Variants in DLGAP2 observed in about 807,000 individuals in gnomAD.
The protein encoded by DLGAP2 is DLG associated protein 2.
A neutral mutation model predicts 100.3 loss-of-function variants in DLGAP2; 26 were observed. The observed-to-expected ratio is 0.26, with a 90% CI of 0.19 to 0.36. DLGAP2 has a LOEUF of 0.36. Among genes scored for constraint, DLGAP2 ranks in the 10% least tolerant of loss-of-function variants. The pLI, the probability that DLGAP2 is intolerant of heterozygous loss-of-function variation, is 1.00. For synonymous variants in DLGAP2, 886 were observed against 630.1 expected, an observed-to-expected ratio of 1.41 and a Z score of -6.08; for missense variants, 1,858 against 1,453.2, an observed-to-expected ratio of 1.28 and a Z score of -4.53.
At chr8:1,677,411 A>G (rs115907079) in intron 11 of DLGAP2, among the ~76,000 whole-genome samples, 1 of 152,310 alleles carries the variant, frequency 6.6e-6, no homozygotes, top group African/African-American at 2.4e-5. Flanking sequence ...AGCAAAGGGA[A>G]CACGTGGCAA....
intron 2 of DLGAP2, among the ~76,000 whole-genome samples, chr8:1,023,453 C>T (rs529298040): frequency 6.6e-6 from 1 of 152,290 alleles, no homozygotes; most frequent in Non-Finnish European, 1.5e-5. Flanking sequence ...ACCTGAGCCT[C>T]CCCTGTAGCG....
chr8:1,585,540 C>G (rs958647770), intron 6 of DLGAP2, among the ~76,000 whole-genome samples: 3 of 152,192 alleles, frequency 2.0e-5, no homozygotes, highest in African/African-American at 4.8e-5. Flanking sequence ...TTATGGCGAA[C>G]TGCAACTGAA....
intron 2 of DLGAP2, among the ~76,000 whole-genome samples, chr8:972,806 G>T (rs1800049341): frequency 6.6e-6 from 1 of 152,084 alleles, no homozygotes; most frequent in Non-Finnish European, 1.5e-5. Flanking sequence ...TTGAGATTAG[G>T]GAGTGGTGAT....
At chr8:1,550,991 G>T (rs1489242277) in intron 5 of DLGAP2, among the ~76,000 whole-genome samples, 1 of 152,236 alleles carries the variant, frequency 6.6e-6, no homozygotes, top group African/African-American at 2.4e-5. Flanking sequence ...CAACTAATGG[G>T]ACAGGGGGAC....
Position 1,481,471 on chromosome 8 carries a change from C to CTTTTT in DLGAP2, c.107-19875_107-19871dup, listed in dbSNP as rs1165790168. ...GGATTTTCTTTTTCTTTTTCTTTTT[C>CTTTTT]TTTTTTTTTTTTTTTTTTTTTTTTG... On this transcript the variant is annotated intron_variant, in intron 3 of 14. Coordinates refer to ENST00000637795, the MANE Select transcript of DLGAP2 (RefSeq NM_001346810.2). Among the ~76,000 whole-genome samples, 97 of 43,672 alleles carry CTTTTT rather than the reference C, an allele frequency of 2.2e-3. 3 individuals are homozygous for CTTTTT. The highest frequency in any genetic ancestry group is 2.6e-3 in the Non-Finnish European group (58 of 22,058). The allele number at this position is 43,672 out of a possible 152,430, so 28.7% of individuals were successfully genotyped here. A position where few individuals can be genotyped will look rare whatever the true frequency, so the allele number is the denominator to read the frequency against.
intron 3 of DLGAP2, among the ~76,000 whole-genome samples, chr8:1,438,037 G>T (rs371526220): frequency 6.6e-6 from 1 of 152,160 alleles, no homozygotes; most frequent in South Asian, 2.1e-4. Context: ...AGAGGCCTAA[G>T]TTAAAATTTG....
chr8:927,905 A>T (rs1224790631), intron 2 of DLGAP2, among the ~76,000 whole-genome samples: 1 of 152,258 alleles, frequency 6.6e-6, no homozygotes, highest in Non-Finnish European at 1.5e-5. Flanking sequence ...ACAGATGCAC[A>T]AGTTCCCCTG....
chr8:1,508,862 G>C (rs972610471), intron 4 of DLGAP2, among the ~76,000 whole-genome samples: 1 of 151,876 alleles, frequency 6.6e-6, no homozygotes, highest in Non-Finnish European at 1.5e-5. Flanking sequence ...AGGATCTCCA[G>C]AGGGGATCAT....
chr8:764,344 C>T (rs1006435618), intron 1 of DLGAP2, among the ~76,000 whole-genome samples: 3 of 152,202 alleles, frequency 2.0e-5, no homozygotes, highest in East Asian at 1.9e-4. Flanking sequence ...AACCTTTACT[C>T]GGTAATTTTC....
At position 982,356 on chromosome 8, in the gene DLGAP2, G is replaced by A. The variant is rs182160549; in HGVS notation, c.73+74390G>A. On this transcript the variant is annotated intron_variant, in intron 2 of 14. Transcript: ENST00000637795. ...AATTTTTATTTTCAACTAGACTCAAGAGCTGTTGATATTTTTGTGGCTTCT... is the reference window on the plus strand; with the variant it reads ...AATTTTTATTTTCAACTAGACTCAAAAGCTGTTGATATTTTTGTGGCTTCT... Among the ~76,000 whole-genome samples, 742 of 152,298 alleles carry A rather than the reference G, an allele frequency of 4.9e-3. 4 individuals are homozygous for A. Among genetic ancestry groups the A allele is most frequent in the Admixed American group, 0.011 (165 of 15,296 alleles).
intron 3 of DLGAP2, among the ~76,000 whole-genome samples, chr8:1,285,407 T>C (rs1430264405): frequency 6.6e-6 from 1 of 152,192 alleles, no homozygotes; most frequent in Non-Finnish European, 1.5e-5. Flanking sequence ...AAAATAAGAC[T>C]GTGCGTTTAG....
intron 1 of DLGAP2, among the ~76,000 whole-genome samples, chr8:885,272 TC>T (rs1213976287): frequency 6.6e-6 from 1 of 152,240 alleles, no homozygotes; most frequent in African/African-American, 2.4e-5. Flanking sequence ...GGAATGTTTT[TC>T]TATTTCTTTG....
chr8:1,036,593 T>G (rs1021029546), intron 2 of DLGAP2, among the ~76,000 whole-genome samples: 3 of 152,054 alleles, frequency 2.0e-5, no homozygotes, highest in Middle Eastern at 3.2e-3. Context: ...TCATGGGGCC[T>G]GGGGGTTATA....
At chr8:1,522,511 C>G (rs992502778) in intron 4 of DLGAP2, among the ~76,000 whole-genome samples, 2 of 152,252 alleles carry the variant, frequency 1.3e-5, no homozygotes, top group Middle Eastern at 3.4e-3. Flanking sequence ...ATCACCATGC[C>G]CGGGAAGCTG....
intron 2 of DLGAP2, among the ~76,000 whole-genome samples, chr8:1,124,822 C>G (rs563213986): frequency 6.6e-6 from 1 of 152,280 alleles, no homozygotes; most frequent in South Asian, 2.1e-4. Context: ...TGGGTAGAAG[C>G]CAGTCTGCAG....
intron 13 of DLGAP2, among the ~76,000 whole-genome samples, chr8:1,695,905 C>T (rs891258554): frequency 3.9e-5 from 6 of 152,220 alleles, no homozygotes; most frequent in Non-Finnish European, 5.9e-5. Flanking sequence ...TGGCCAGGGC[C>T]GCCCTCCTGG....
intron 5 of DLGAP2, among the ~76,000 whole-genome samples, chr8:1,563,971 A>C (rs567060159): frequency 6.6e-6 from 1 of 152,204 alleles, no homozygotes; most frequent in Non-Finnish European, 1.5e-5. Context: ...CCTTTTAAAT[A>C]TGGAAATTTT....
At chr8:913,044 A>G (rs1319044594) in intron 2 of DLGAP2, among the ~76,000 whole-genome samples, 1 of 152,254 alleles carries the variant, frequency 6.6e-6, no homozygotes, top group African/African-American at 2.4e-5. Context: ...TAACCTTTGT[A>G]ACAGAGTGCT....
intron 2 of DLGAP2, among the ~76,000 whole-genome samples, chr8:1,257,086 A>G (rs1173347665): frequency 6.6e-6 from 1 of 151,894 alleles, no homozygotes; most frequent in African/African-American, 2.4e-5. Context: ...AGGTGCAGTC[A>G]GATGTGTCCA....
Sources: allele counts gnomAD v4.1 joint callset (sites outside exome capture counted in the v4.1 genomes callset), GRCh38; gene constraint gnomAD v4.1.1; transcripts MANE v1.5; gene names NCBI Gene and HGNC (gene_info 2026-07-23, HGNC 2026-07-21).